TSHZ2: variants seen among roughly 807,000 people sequenced by gnomAD.
TSHZ2 encodes the protein teashirt homolog 2.
In TSHZ2, 21 loss-of-function variants were observed where a neutral mutation model predicts 74.4. The ratio of observed to expected loss-of-function variants is 0.28; its 90% CI spans 0.20 to 0.41. The LOEUF is 0.41. TSHZ2 is among the 10% of genes least tolerant of loss of function. The pLI, the probability that TSHZ2 is intolerant of heterozygous loss-of-function variation, is 1.00. For synonymous variants in TSHZ2, 540 were observed against 515.3 expected, an observed-to-expected ratio of 1.05 and a Z score of -0.65; for missense variants, 1,244 against 1,293.5, an observed-to-expected ratio of 0.96 and a Z score of 0.59.
chr20:53,192,582 A>G (rs1183396743), intron 1 of TSHZ2, among the ~76,000 whole-genome samples: 1 of 147,860 alleles, frequency 6.8e-6, no homozygotes, highest in Non-Finnish European at 1.5e-5. Context: ...AAAAAAACCC[A>G]CAACAACTGG....
At chr20:53,414,986 T>C (rs1412687016) in intron 2 of TSHZ2, among the ~76,000 whole-genome samples, 1 of 152,216 alleles carries the variant, frequency 6.6e-6, no homozygotes, top group Non-Finnish European at 1.5e-5. Context: ...TGTAAAATGC[T>C]GAGGACAGGG....
At chr20:53,423,478 G>A (rs1335933890) in intron 2 of TSHZ2, among the ~76,000 whole-genome samples, 2 of 152,164 alleles carry the variant, frequency 1.3e-5, no homozygotes, top group Admixed American at 6.5e-5. Context: ...ACCTTGCATG[G>A]ATCACATATT....
intron 1 of TSHZ2, among the ~76,000 whole-genome samples, chr20:53,025,989 G>A (rs1165287338): frequency 1.3e-5 from 2 of 152,102 alleles, no homozygotes; most frequent in African/African-American, 4.8e-5. Context: ...AGGAGGCTGT[G>A]GTATGGCAGT....
intron 2 of TSHZ2, among the ~76,000 whole-genome samples, chr20:53,354,369 T>C (rs1202703722): frequency 6.6e-6 from 1 of 152,226 alleles, no homozygotes; most frequent in Non-Finnish European, 1.5e-5. Flanking sequence ...ATCTTCTTGA[T>C]AGTTGCAGAA....
intron 1 of TSHZ2, among the ~76,000 whole-genome samples, chr20:53,168,035 G>C (rs1988102856): frequency 6.6e-6 from 1 of 152,180 alleles, no homozygotes; most frequent in African/African-American, 2.4e-5. Flanking sequence ...TGATTTGTTG[G>C]ACTGCAGGGT....
chr20:53,356,773 C>A (rs1397116023), intron 2 of TSHZ2, among the ~76,000 whole-genome samples: 1 of 152,038 alleles, frequency 6.6e-6, no homozygotes, highest in Non-Finnish European at 1.5e-5. Context: ...TTAGGAATAG[C>A]TAGATAATGA....
At chr20:53,310,558 T>C (rs140537628) in intron 2 of TSHZ2, among the ~76,000 whole-genome samples, 1 of 152,324 alleles carries the variant, frequency 6.6e-6, no homozygotes, top group African/African-American at 2.4e-5. Context: ...GGCTGCAGTC[T>C]CATCAGAGGT....
chr20:53,120,462 G>A (rs965945852), intron 1 of TSHZ2, among the ~76,000 whole-genome samples: 6 of 152,104 alleles, frequency 3.9e-5, no homozygotes, highest in East Asian at 1.9e-4. Context: ...TTATGGAACC[G>A]TAAGAATGGG....
chr20:53,174,332 C>A lies in TSHZ2; in HGVS notation c.41-79167C>A, dbSNP rs2525482. On this transcript the variant is annotated intron_variant, in intron 1 of 2. Coordinates refer to ENST00000371497, the MANE Select transcript of TSHZ2 (RefSeq NM_173485.6). Reference sequence around the variant, plus strand: ...AAAACAAGAGATTCCTTGCCTTGAGCTTCAGATCTAAGGAGAAACTTTCAC... The same window carrying A: ...AAAACAAGAGATTCCTTGCCTTGAGATTCAGATCTAAGGAGAAACTTTCAC... Among the ~76,000 whole-genome samples the A allele has an allele frequency of 2.6e-5, 4 of 152,284 alleles. No homozygotes were observed. The East Asian group carries it at 7.7e-4, about 29-fold the overall frequency.
intron 2 of TSHZ2, among the ~76,000 whole-genome samples, chr20:53,261,796 G>T (rs1159592077): frequency 1.3e-5 from 2 of 152,140 alleles, no homozygotes; most frequent in Non-Finnish European, 2.9e-5. Flanking sequence ...AAATCCATGA[G>T]CGACAGGGAG....
In TSHZ2 at chr20:53,074,132, C is replaced by T. The variant is rs1424295259; in HGVS notation, c.40+100799C>T. Among the ~76,000 whole-genome samples, 3 of 151,554 alleles carry T rather than the reference C, an allele frequency of 2.0e-5. No individual in the cohort carries two copies. The highest frequency in any genetic ancestry group is 4.4e-5 in the Non-Finnish European group (3 of 68,036). On this transcript the variant is annotated intron_variant, in intron 1 of 2. Transcript: ENST00000371497. The surrounding 1 kb of genome is among the most constrained non-coding windows in gnomAD (Gnocchi z 5.9). ...ACCTTCATGACATCCTTGGTGAACT[C>T]TTATGTATCTTTTAAACTGCTGTTC...
intron 2 of TSHZ2, among the ~76,000 whole-genome samples, chr20:53,335,301 A>G (rs1979901565): frequency 1.3e-5 from 2 of 152,376 alleles, no homozygotes; most frequent in South Asian, 2.1e-4. Flanking sequence ...ACTGCCTTGG[A>G]CAAAGATGGT....
chr20:53,475,659 A>G (rs1985969773), intron 2 of TSHZ2, among the ~76,000 whole-genome samples: 1 of 135,394 alleles, frequency 7.4e-6, no homozygotes, highest in Admixed American at 7.4e-5. Flanking sequence ...AACTAAAATC[A>G]GAGCAGAACT....
intron 2 of TSHZ2, chr20:53,399,225 A>G (rs1982564175): frequency 6.6e-6 from 1 of 152,158 alleles, no homozygotes; most frequent in Non-Finnish European, 1.5e-5. Flanking sequence ...GATAATTTAA[A>G]CTTGTTTGTA....
Position 53,379,209 on chromosome 20 carries a change from C to T in TSHZ2, c.*9-107935C>T, listed in dbSNP as rs558860715. Among the ~76,000 whole-genome samples the T allele has an allele frequency of 1.2e-3, 175 of 152,160 alleles. 1 individual carries two copies. The highest frequency in any genetic ancestry group is 4.1e-3 in the African/African-American group (170 of 41,508). ...CAAGCCTCAGCAACAGGGCGAAACC[C>T]CGTCTCTATAAAAAATACAAAAATT... On this transcript the variant is annotated intron_variant, in intron 2 of 2. Coordinates refer to ENST00000371497, the MANE Select transcript of TSHZ2 (RefSeq NM_173485.6).
chr20:53,255,403 G>T lies in TSHZ2; in HGVS notation c.1945G>T (p.Gly649Cys), dbSNP rs752310290. The stretch of plus-strand genomic sequence containing the variant: ...TCCAGAAGCCAAAAAGACCGAGCTG[G>T]GTCCCCTGAAGGAGGAGGAGAAGCT... Reference protein sequence around the residue: ...TPPEAKKTELGPLKEEEKLMK... With the variant: ...TPPEAKKTELCPLKEEEKLMK... The change falls in exon 2 of 3, where the codon GGT (glycine) becomes TGT (cysteine). Residue 649 changes from glycine (G) to cysteine (C), a missense_variant. Coordinates refer to ENST00000371497, the MANE Select transcript of TSHZ2 (RefSeq NM_173485.6). The surrounding 1 kb of genome is among the most constrained non-coding windows in gnomAD (Gnocchi z 4.1). The T allele has an allele frequency of 3.1e-6, 5 of 1,613,726 alleles. No homozygotes were observed. The highest frequency in any genetic ancestry group is 4.2e-6 in the Non-Finnish European group (5 of 1,180,012).
At chr20:53,158,385 C>T (rs1457523278) in intron 1 of TSHZ2, among the ~76,000 whole-genome samples, 6 of 151,988 alleles carry the variant, frequency 3.9e-5, no homozygotes, top group African/African-American at 1.2e-4. Flanking sequence ...GTGGATGGAC[C>T]GTGGTGGGGG....
chr20:53,050,472 G>A (rs866409026), intron 1 of TSHZ2, among the ~76,000 whole-genome samples: 3 of 152,068 alleles, frequency 2.0e-5, no homozygotes, highest in Non-Finnish European at 2.9e-5. Context: ...TGATTGTGTT[G>A]ATTGACTCAA....
chr20:53,083,838 A>ATT lies in TSHZ2; in HGVS notation c.40+110512_40+110513dup, dbSNP rs11483186. ...TTGATAACTTGAAGAGGGAATGTCT[A>ATT]TTTTTTTTATAAGTTTTCTTCCCTT... On this transcript the variant is annotated intron_variant, in intron 1 of 2. Coordinates refer to ENST00000371497, the MANE Select transcript of TSHZ2 (RefSeq NM_173485.6). Among the ~76,000 whole-genome samples, 1,078 of 151,852 alleles carry ATT rather than the reference A, an allele frequency of 7.1e-3. 7 individuals carry two copies. Among genetic ancestry groups the ATT allele is most frequent in the African/African-American group, 0.025 (1,031 of 41,360 alleles).
Sources: gnomAD v4.1 joint callset for allele counts (sites outside exome capture counted in the v4.1 genomes callset) on GRCh38, gnomAD v4.1.1 for gene constraint, Gnocchi (gnomAD v3.1) non-coding constraint, MANE v1.5 for transcripts, NCBI Gene and HGNC (gene_info 2026-07-23, HGNC 2026-07-21) for gene names.